The following ACBD6 variants were observed in gnomAD, a reference collection of about 807,000 sequenced individuals.
The protein encoded by ACBD6 is acyl-CoA binding domain containing 6.
Under a neutral mutation model 37.2 loss-of-function variants are expected in ACBD6, and 28 were observed. That is an observed-to-expected ratio of 0.75 (90% confidence interval 0.56 to 1.03). The LOEUF (loss-of-function observed/expected upper bound fraction) is 1.03. Among genes scored for constraint, ACBD6 ranks in the 50% least tolerant of loss-of-function variants. ACBD6 has a pLI of 0.00. For missense variants in ACBD6, 340 were observed against 337.4 expected (o/e 1.01, Z -0.06); for synonymous variants, 113 against 126.8 (o/e 0.89, Z 0.73).
chr1:180,397,332 C>T (rs990800792), intron 6 of ACBD6, among the ~76,000 whole-genome samples, 184 bp downstream of exon 6: 2 of 152,136 alleles, frequency 1.3e-5, no homozygotes, highest in African/African-American at 4.8e-5. Flanking sequence ...TTAGTGGGAA[C>T]AGGGTTTTCT....
chr1:180,337,646 C>G (rs1283414956), intron 6 of ACBD6, among the ~76,000 whole-genome samples: 4 of 152,122 alleles, frequency 2.6e-5, no homozygotes, highest in African/African-American at 7.2e-5. Context: ...GTTGGAAGTT[C>G]TGGCCAGGGC....
rs566378371 is a variant in ACBD6 at position 180,490,238 on chromosome 1, A to G, written c.384+2031T>C. On this transcript the variant is annotated intron_variant, in intron 3 of 7. Coordinates refer to ENST00000367595, the MANE Select transcript of ACBD6 (RefSeq NM_032360.4). The stretch of plus-strand genomic sequence containing the variant: ...TTCAGCTCAGGGGGCACCTGTTTTG[A>G]GCACTGATTTTCAGATTTTAAGCCC... Among the ~76,000 whole-genome samples the G allele has an allele frequency of 3.9e-5, 6 of 152,310 alleles. No homozygotes were observed. In the South Asian group the frequency reaches 8.3e-4, roughly 21 times the overall value.
intron 6 of ACBD6, among the ~76,000 whole-genome samples, chr1:180,373,070 C>T (rs1474940501): frequency 3.9e-5 from 6 of 152,070 alleles, no homozygotes; most frequent in Admixed American, 6.6e-5. Flanking sequence ...AGAGTCACCC[C>T]GAGCTCCTCA....
chr1:180,374,291 C>T (rs1437159818), intron 6 of ACBD6, among the ~76,000 whole-genome samples: 5 of 152,180 alleles, frequency 3.3e-5, no homozygotes, highest in Admixed American at 2.6e-4. Flanking sequence ...ACACTCGCTG[C>T]AGAGTATGTA....
intron 6 of ACBD6, among the ~76,000 whole-genome samples, chr1:180,391,225 A>T (rs185176760): frequency 2.6e-5 from 4 of 152,182 alleles, no homozygotes; most frequent in African/African-American, 9.7e-5. Flanking sequence ...TAAAATTCTT[A>T]GAAGAAAAAG....
intron 1 of ACBD6, among the ~76,000 whole-genome samples, chr1:180,497,640 AATAAC>A (rs1459650972): frequency 2.6e-5 from 4 of 152,224 alleles, no homozygotes; most frequent in African/African-American, 9.6e-5. Flanking sequence ...TGTTAACATA[AATAAC>A]ATTTCATGCA....
In ACBD6 at chr1:180,421,471, G is replaced by A. The variant is rs139257470; in HGVS notation, c.468-8000C>T. On this transcript the variant is annotated intron_variant, in intron 4 of 7. Transcript: ENST00000367595. Reference sequence around the variant, plus strand: ...TGCTGTGATGAACATATGCATGCACGTAACTTTATAACAGAATGATTTATA... The same window carrying A: ...TGCTGTGATGAACATATGCATGCACATAACTTTATAACAGAATGATTTATA... 3.3e-3 allele frequency among the ~76,000 whole-genome samples: 498 copies of A among 152,244 alleles called. 2 individuals are homozygous for A. Among genetic ancestry groups the A allele is most frequent in the Non-Finnish European group, 4.4e-3 (300 of 68,020 alleles).
At chr1:180,421,917 C>T (rs539851068) in intron 4 of ACBD6, among the ~76,000 whole-genome samples, 20 of 152,144 alleles carry the variant, frequency 1.3e-4, no homozygotes, top group Middle Eastern at 3.4e-3. Flanking sequence ...GTTGTTTCTC[C>T]TATTATCTTG....
intron 3 of ACBD6, among the ~76,000 whole-genome samples, chr1:180,431,382 CAAAGTATAT>C (rs137921589): frequency 0.13 from 19,299 of 151,890 alleles, 1,749 homozygotes; most frequent in East Asian, 0.36. Flanking sequence ...GATTAAATGA[CAAAGTATAT>C]AAAGTGTATT....
Position 180,446,508 on chromosome 1 carries a change from T to A in ACBD6, c.385-16246A>T, listed in dbSNP as rs184900220. Among the ~76,000 whole-genome samples the A allele has an allele frequency of 9.2e-5, 14 of 152,324 alleles. No individual in the cohort carries two copies. The East Asian group carries it at 2.3e-3, about 25-fold the overall frequency. ...AAATACTAAATTTTTTCCTGAAACATGAATAGCTATTCATTTCAAGTAGAA... is the reference window on the plus strand; with the variant it reads ...AAATACTAAATTTTTTCCTGAAACAAGAATAGCTATTCATTTCAAGTAGAA... On this transcript the variant is annotated intron_variant, in intron 3 of 7. Coordinates refer to ENST00000367595, the MANE Select transcript of ACBD6 (RefSeq NM_032360.4).
chr1:180,364,025 C>T (rs926232797), intron 6 of ACBD6, among the ~76,000 whole-genome samples: 2 of 152,138 alleles, frequency 1.3e-5, no homozygotes, highest in African/African-American at 4.8e-5. Context: ...TGTGTCTAAG[C>T]CTTTTTTCCT....
chr1:180,397,573 T>C lies in ACBD6; in HGVS notation c.606A>G (p.Arg202=), dbSNP rs778684558. 1.9e-6 allele frequency: 3 copies of C among 1,613,986 alleles called. No individual in the cohort carries two copies. The highest frequency in any genetic ancestry group is 1.7e-5 in the Admixed American group (1 of 59,998). Residue 202 remains arginine, a synonymous_variant, in exon 6 of 8, where the codon CGA becomes CGG. Transcript: ENST00000367595. Reference sequence around the variant, plus strand: ...ACACTGTGACTAGTTCCTTATGTCCTCGATCACAGGCCCAGTGAAGTAGAG... The same window carrying C: ...ACACTGTGACTAGTTCCTTATGTCCCCGATCACAGGCCCAGTGAAGTAGAG... The part of the protein sequence containing the change: ...GRALLHWACD[R]GHKELVTVLL...
intron 7 of ACBD6, among the ~76,000 whole-genome samples, chr1:180,311,218 G>A (rs1363344723): frequency 6.6e-6 from 1 of 152,002 alleles, no homozygotes; most frequent in African/African-American, 2.4e-5. Flanking sequence ...TAGTATCTAC[G>A]TGGGCCTCTC....
chr1:180,443,583 G>A (rs1320931215), intron 3 of ACBD6, among the ~76,000 whole-genome samples: 1 of 151,900 alleles, frequency 6.6e-6, no homozygotes, highest in Non-Finnish European at 1.5e-5. Context: ...GTAATAAATG[G>A]GACGCACCTG....
chr1:180,325,760 G>A (rs1272744534), intron 6 of ACBD6, among the ~76,000 whole-genome samples: 2 of 152,204 alleles, frequency 1.3e-5, no homozygotes, highest in Non-Finnish European at 2.9e-5. Context: ...GAATAACACT[G>A]TGGTTCTTGA....
intron 6 of ACBD6, among the ~76,000 whole-genome samples, chr1:180,380,248 C>A (rs1571430859): frequency 7.0e-6 from 1 of 142,092 alleles, no homozygotes; most frequent in Middle Eastern, 3.6e-3. Flanking sequence ...GATCATGTGG[C>A]AAAAACAAAC....
intron 3 of ACBD6, among the ~76,000 whole-genome samples, chr1:180,432,955 C>T (rs572325068): frequency 6.6e-6 from 1 of 151,456 alleles, no homozygotes; most frequent in East Asian, 1.9e-4. Flanking sequence ...AACCAGATCA[C>T]TTCACTGGAG....
downstream of ACBD6, chr1:180,288,218 G>A (rs1649567025): frequency 1.7e-6 from 2 of 1,147,518 alleles, no homozygotes; most frequent in Non-Finnish European, 2.5e-6. Flanking sequence ...ATGAATTGCT[G>A]AGACTTCAAA....
At chr1:180,493,384 C>T (rs1042647327) in intron 2 of ACBD6, among the ~76,000 whole-genome samples, 2 of 151,968 alleles carry the variant, frequency 1.3e-5, no homozygotes, top group African/African-American at 4.8e-5. Flanking sequence ...GTCATCTACC[C>T]CCCTGCCCCC....
Sources: allele counts gnomAD v4.1 joint callset (sites outside exome capture counted in the v4.1 genomes callset), GRCh38; gene constraint gnomAD v4.1.1; transcripts MANE v1.5; gene names NCBI Gene and HGNC (gene_info 2026-07-23, HGNC 2026-07-21).